Variants in TM9SF2 observed in about 807,000 individuals in gnomAD.
The protein encoded by TM9SF2 is 76 kDa membrane protein.
TM9SF2 carries 13 observed loss-of-function variants against 84.9 expected under a neutral mutation model. That is an observed-to-expected ratio of 0.15 (90% CI 0.10 to 0.24). TM9SF2 has a LOEUF of 0.24. Among genes scored for constraint, TM9SF2 ranks in the 10% least tolerant of loss-of-function variants. The pLI, the probability that TM9SF2 is intolerant of heterozygous loss-of-function variation, is 1.00. For missense variants in TM9SF2, 562 were observed against 818.5 expected, an observed-to-expected ratio of 0.69 and a Z score of 3.82; for synonymous variants, 273 against 285.8, an observed-to-expected ratio of 0.96 and a Z score of 0.45.
chr13:99,540,651 T>C, intron 7 of TM9SF2, 63 bp from the exon 8 acceptor site: 1 of 1,367,648 alleles, frequency 7.3e-7, no homozygotes, highest in Admixed American at 1.9e-5. Flanking sequence ...AATGGGATTT[T>C]TTTTTGTTCT....
intron 15 of TM9SF2, among the ~76,000 whole-genome samples, chr13:99,557,533 ATC>A (rs1467867219): frequency 2.0e-5 from 3 of 152,040 alleles, no homozygotes; most frequent in East Asian, 1.9e-4. Context: ...GGTCAAATGT[ATC>A]TGTTTTTTTT....
At chr13:99,533,509 C>A (rs1265580056) in intron 4 of TM9SF2, among the ~76,000 whole-genome samples, 2 of 152,192 alleles carry the variant, frequency 1.3e-5, no homozygotes, top group Non-Finnish European at 2.9e-5. Flanking sequence ...ATAACCTCCT[C>A]CGTCTTTTCC....
At chr13:99,558,878 A>G (rs942818333) in intron 15 of TM9SF2, among the ~76,000 whole-genome samples, 1 of 152,214 alleles carries the variant, frequency 6.6e-6, no homozygotes, top group African/African-American at 2.4e-5. Context: ...GCCACTTAAA[A>G]GCAAGAAGAG....
At chr13:99,508,255 G>GC (rs1267976005) in intron 1 of TM9SF2, among the ~76,000 whole-genome samples, 1 of 152,110 alleles carries the variant, frequency 6.6e-6, no homozygotes, top group Non-Finnish European at 1.5e-5. Context: ...GGAATGTGAA[G>GC]CAAGTAAACC....
chr13:99,528,827 A>T (rs949610503), intron 3 of TM9SF2, among the ~76,000 whole-genome samples: 9 of 152,220 alleles, frequency 5.9e-5, no homozygotes, highest in African/African-American at 2.2e-4. Flanking sequence ...ATAAATACAT[A>T]CATACAAAAG....
At chr13:99,519,761 A>G in intron 2 of TM9SF2, 1 of 223,810 alleles carries the variant, frequency 4.5e-6, no homozygotes, top group Non-Finnish European at 8.8e-6. Context: ...GAGTGAACAA[A>G]AATGAATTAT....
intron 3 of TM9SF2, among the ~76,000 whole-genome samples, chr13:99,524,227 G>A (rs549403271): frequency 2.0e-5 from 3 of 152,158 alleles, no homozygotes; most frequent in East Asian, 1.9e-4. Context: ...GTGGGGGTGC[G>A]AGGGGAGAAG....
chr13:99,502,370 A>G (rs989889859), intron 1 of TM9SF2, among the ~76,000 whole-genome samples: 4 of 152,246 alleles, frequency 2.6e-5, no homozygotes, highest in African/African-American at 9.6e-5. Flanking sequence ...TAACACCCAG[A>G]GCCACACAAA....
chr13:99,529,630 CT>C (rs1416473711), intron 4 of TM9SF2, 36 bp downstream of exon 4: 1 of 1,461,216 alleles, frequency 6.8e-7, no homozygotes, highest in Non-Finnish European at 9.0e-7. Context: ...GGGGTTTATC[CT>C]TTCCATATGA....
chr13:99,508,443 A>ACACACCCC lies in TM9SF2; in HGVS notation c.171+6667_171+6668insACACCCCC, dbSNP rs1311954976. Reference sequence around the variant, plus strand: ...CACACACACACACACACACACACACACCCCAGAGATTCAGTAGCTACTCCA... The same window carrying ACACACCCC: ...CACACACACACACACACACACACACACACACCCCCCCCAGAGATTCAGTAGCTACTCCA... On this transcript the variant is annotated intron_variant, in intron 1 of 16. Coordinates refer to ENST00000376387, the MANE Select transcript of TM9SF2 (RefSeq NM_004800.3). Among the ~76,000 whole-genome samples, 6 of 147,558 alleles carry ACACACCCC rather than the reference A, an allele frequency of 4.1e-5. No homozygotes were observed. In the East Asian group the frequency reaches 1.0e-3, roughly 25 times the overall value.
chr13:99,501,578 T>G lies in TM9SF2; in HGVS notation c.-29T>G. Reference sequence around the variant, plus strand: ...CTCCTTCCCTCTTGACCCCCTAGGTTTGATTGCCCTTTCCCCGAAACAACT... The same window carrying G: ...CTCCTTCCCTCTTGACCCCCTAGGTGTGATTGCCCTTTCCCCGAAACAACT... On this transcript the variant is annotated 5_prime_UTR_variant, in exon 1 of 17. Transcript: ENST00000376387. 1 of 1,607,560 alleles carries G rather than the reference T, an allele frequency of 6.2e-7. No homozygotes were observed. Among genetic ancestry groups the G allele is most frequent in the Non-Finnish European group, 8.5e-7 (1 of 1,177,266 alleles).
intron 9 of TM9SF2, among the ~76,000 whole-genome samples, chr13:99,543,066 CAT>C (rs1475923087): frequency 6.6e-6 from 1 of 152,230 alleles, no homozygotes; most frequent in African/African-American, 2.4e-5. Context: ...ACCAGGCAGA[CAT>C]AGGTTTCCAC....
At chr13:99,519,349 A>C (rs538171930) in intron 2 of TM9SF2, among the ~76,000 whole-genome samples, 1 of 151,666 alleles carries the variant, frequency 6.6e-6, no homozygotes, top group South Asian at 2.1e-4. Context: ...AATCTCACTA[A>C]TCTGTTACTA....
chr13:99,532,415 C>T (rs1419074139), intron 4 of TM9SF2, among the ~76,000 whole-genome samples: 1 of 152,098 alleles, frequency 6.6e-6, no homozygotes, highest in Non-Finnish European at 1.5e-5. Context: ...GTCAGCCCGG[C>T]ACCGTGGCTC....
At chr13:99,505,726 A>G (rs1007790152) in intron 1 of TM9SF2, among the ~76,000 whole-genome samples, 1 of 152,206 alleles carries the variant, frequency 6.6e-6, no homozygotes, top group Non-Finnish European at 1.5e-5. Context: ...AGTTTTGACT[A>G]TTTCAGTTAG....
At chr13:99,544,849 A>G (rs1379093364) in intron 10 of TM9SF2, among the ~76,000 whole-genome samples, 3 of 152,148 alleles carry the variant, frequency 2.0e-5, no homozygotes, top group African/African-American at 7.2e-5. Context: ...CAGAAATTGT[A>G]TTTAAATTTT....
rs182321124 is a variant in TM9SF2 at position 99,525,844 on chromosome 13, C to T, written c.334-3623C>T. Among the ~76,000 whole-genome samples, 7 of 152,256 alleles carry T rather than the reference C, an allele frequency of 4.6e-5. No homozygotes were observed. The East Asian group carries it at 9.7e-4, about 21-fold the overall frequency. On this transcript the variant is annotated intron_variant, in intron 3 of 16. Coordinates refer to ENST00000376387, the MANE Select transcript of TM9SF2 (RefSeq NM_004800.3). ...TGCTGGGATTACAGGCGTGAGCCACCGCGCCCGGCCAGGAGGACTTGTGAT... is the reference window on the plus strand; with the variant it reads ...TGCTGGGATTACAGGCGTGAGCCACTGCGCCCGGCCAGGAGGACTTGTGAT...
Position 99,540,764 on chromosome 13 carries a change from T to C in TM9SF2, c.879T>C (p.Ser293=), listed in dbSNP as rs773663017. 1.2e-6 allele frequency: 2 copies of C among 1,613,850 alleles called. No individual in the cohort carries two copies. The highest frequency in any genetic ancestry group is 1.1e-5 in the South Asian group (1 of 91,084). The change falls in exon 8 of 17, where the codon TCT becomes TCC. Residue 293 remains serine (S), a synonymous_variant. Transcript: ENST00000376387. ...CTAGATGGGACTATATTCTGGAGTC[T>C]ATGCCTCATACCCACATTCAGTGGT... ...WASRWDYILE[S]MPHTHIQWFS...
At chr13:99,526,550 A>C (rs894048994) in intron 3 of TM9SF2, among the ~76,000 whole-genome samples, 1 of 152,196 alleles carries the variant, frequency 6.6e-6, no homozygotes, top group Non-Finnish European at 1.5e-5. Context: ...CATTTGAGCC[A>C]GTGAGTTGGA....
Sources: gnomAD v4.1 joint callset for allele counts (sites outside exome capture counted in the v4.1 genomes callset) on GRCh38, gnomAD v4.1.1 for gene constraint, MANE v1.5 for transcripts, NCBI Gene and HGNC (gene_info 2026-07-23, HGNC 2026-07-21) for gene names.